Variants in THSD4 observed in about 807,000 individuals in gnomAD.
The protein encoded by THSD4 is thrombospondin type-1 domain-containing protein 4.
A neutral mutation model predicts 119.0 loss-of-function variants in THSD4; 69 were observed. The ratio of observed to expected loss-of-function variants is 0.58; its 90% CI spans 0.48 to 0.71. The LOEUF is 0.71. THSD4 is among the 30% of genes least tolerant of loss of function. The pLI is 0.00. For synonymous variants in THSD4, 524 were observed against 540.4 expected (o/e 0.97, Z 0.42); for missense variants, 1,393 against 1,391.1 (o/e 1.00, Z -0.02).
At chr15:71,294,487 G>A (rs1039337613) in intron 6 of THSD4, among the ~76,000 whole-genome samples, 8 of 152,142 alleles carry the variant, frequency 5.3e-5, no homozygotes, top group East Asian at 1.9e-4. Context: ...GATGGGGTCC[G>A]TTCAGGGGAT....
intron 3 of THSD4, among the ~76,000 whole-genome samples, chr15:71,184,696 AT>A (rs1364424821): frequency 6.6e-6 from 1 of 151,648 alleles, no homozygotes; most frequent in African/African-American, 2.4e-5. Context: ...ACATGGCACC[AT>A]CTCCCTTGGT....
intron 6 of THSD4, among the ~76,000 whole-genome samples, chr15:71,283,202 G>A (rs2044677229): frequency 6.6e-6 from 1 of 152,054 alleles, no homozygotes; most frequent in Non-Finnish European, 1.5e-5. Context: ...ATCTCCTGAT[G>A]TCACGATCCG....
intron 4 of THSD4, among the ~76,000 whole-genome samples, chr15:71,221,108 T>A (rs2043972141): frequency 6.6e-6 from 1 of 152,122 alleles, no homozygotes; most frequent in South Asian, 2.1e-4. Context: ...GCATGCCGCA[T>A]TGTAGCAACT....
At chr15:71,672,817 C>G (rs1304818236) in intron 8 of THSD4, among the ~76,000 whole-genome samples, 2 of 152,188 alleles carry the variant, frequency 1.3e-5, no homozygotes, top group African/African-American at 4.8e-5. Flanking sequence ...TTGAACCAGC[C>G]TTGGATCCCA....
At chr15:71,233,483 AAC>A (rs955815413) in intron 4 of THSD4, among the ~76,000 whole-genome samples, 32 of 152,300 alleles carry the variant, frequency 2.1e-4, no homozygotes, top group South Asian at 1.0e-3. Context: ...CTTTAAAAAA[AAC>A]ACACACGCAC....
intron 6 of THSD4, among the ~76,000 whole-genome samples, chr15:71,395,450 A>T (rs1238948625): frequency 1.3e-5 from 2 of 152,120 alleles, no homozygotes; most frequent in African/African-American, 4.8e-5. Context: ...TGCAGTCAAA[A>T]GTTGAGACTG....
intron 7 of THSD4, among the ~76,000 whole-genome samples, chr15:71,486,702 TG>T (rs2047828256): frequency 6.6e-6 from 1 of 151,710 alleles, no homozygotes; most frequent in Non-Finnish European, 1.5e-5. Flanking sequence ...TCCTTCAGAT[TG>T]GCCCCTTATC....
intron 8 of THSD4, among the ~76,000 whole-genome samples, chr15:71,681,021 C>T (rs1415324162): frequency 6.6e-6 from 1 of 150,854 alleles, no homozygotes; most frequent in East Asian, 2.0e-4. Context: ...CAGGTTCAAG[C>T]AATTCTCCTG....
upstream of THSD4, chr15:71,111,555 ATGCCTCC>A (rs1596202844): frequency 8.8e-6 from 6 of 683,562 alleles, no homozygotes; most frequent in East Asian, 1.6e-4. Context: ...TTTGTTTACC[ATGCCTCC>A]CTTATTTTCT....
In THSD4 at chr15:71,731,100, CA is replaced by C; in HGVS notation, c.1534-20del. The C allele has an allele frequency of 6.2e-7, 1 of 1,613,454 alleles. No individual in the cohort carries two copies. Among genetic ancestry groups the C allele is most frequent in the Non-Finnish European group, 8.5e-7 (1 of 1,179,406 alleles). ...TGTGCATACGTGCCAAGTGCGGTAA[CA>C]CTGATTTTTGTGTCAGCAGATGATA... On this transcript the variant is annotated intron_variant, in intron 9 of 17. Transcript: ENST00000261862.
intron 8 of THSD4, among the ~76,000 whole-genome samples, chr15:71,712,179 T>C (rs759170876): frequency 4.6e-5 from 7 of 151,782 alleles, no homozygotes; most frequent in Non-Finnish European, 1.0e-4. Flanking sequence ...CATAATGGAA[T>C]TTAACTGGAA....
At chr15:71,488,966 A>G (rs1281515842) in intron 7 of THSD4, among the ~76,000 whole-genome samples, 1 of 151,972 alleles carries the variant, frequency 6.6e-6, no homozygotes, top group Non-Finnish European at 1.5e-5. Context: ...ACCTTCAAAT[A>G]CCCAAATTTG....
intron 11 of THSD4, among the ~76,000 whole-genome samples, chr15:71,742,744 G>A (rs568774334): frequency 2.8e-4 from 42 of 152,208 alleles, no homozygotes; most frequent in Middle Eastern, 6.8e-3. Flanking sequence ...AAACCACTGC[G>A]GTCACTAGAC....
intron 17 of THSD4, among the ~76,000 whole-genome samples, chr15:71,774,155 A>G (rs1357278550): frequency 2.0e-5 from 3 of 152,088 alleles, no homozygotes; most frequent in South Asian, 4.1e-4. Flanking sequence ...TACAAAAAAT[A>G]TAAAAATTAG....
At chr15:71,702,484 AT>A (rs1420655387) in intron 8 of THSD4, among the ~76,000 whole-genome samples, 2 of 152,126 alleles carry the variant, frequency 1.3e-5, no homozygotes, top group Non-Finnish European at 2.9e-5. Flanking sequence ...AAGACCCTGA[AT>A]TTGGGGGCTC....
intron 7 of THSD4, among the ~76,000 whole-genome samples, chr15:71,617,484 A>T (rs565264500): frequency 1.3e-5 from 2 of 152,234 alleles, no homozygotes; most frequent in South Asian, 2.1e-4. Context: ...CCAGGACTCA[A>T]TTAACCTCAC....
chr15:71,110,918 A>G, upstream of THSD4: 1 of 552,806 alleles, frequency 1.8e-6, no homozygotes, highest in Non-Finnish European at 3.2e-6. Flanking sequence ...TATGCCGTAG[A>G]TCTCCATTGT....
At chr15:71,246,367 G>A (rs905760893) in intron 5 of THSD4, among the ~76,000 whole-genome samples, 9 of 152,106 alleles carry the variant, frequency 5.9e-5, no homozygotes, top group African/African-American at 1.9e-4. Flanking sequence ...GAAGAAATAC[G>A]TGGATGAAAT....
At chr15:71,473,784 G>T (rs1056688739) in intron 7 of THSD4, among the ~76,000 whole-genome samples, 1 of 152,204 alleles carries the variant, frequency 6.6e-6, no homozygotes. Context: ...CATGCATGCT[G>T]TGCGATGCAT....
Sources: gnomAD v4.1 joint callset for allele counts (sites outside exome capture counted in the v4.1 genomes callset) on GRCh38, gnomAD v4.1.1 for gene constraint, MANE v1.5 for transcripts, NCBI Gene and HGNC (gene_info 2026-07-23, HGNC 2026-07-21) for gene names.